The following TNIP3 variants were observed in gnomAD, a reference collection of about 807,000 sequenced individuals.
TNIP3 encodes TNFAIP3 interacting protein 3.
TNIP3 carries 34 observed loss-of-function variants against 54.1 expected under a neutral mutation model. That is an observed-to-expected ratio of 0.63 (90% CI 0.48 to 0.84). The LOEUF (loss-of-function observed/expected upper bound fraction) is 0.84, where lower values mean the gene tolerates loss of function less well. TNIP3 is among the 40% of genes least tolerant of loss of function. The pLI is 0.00. For missense variants in TNIP3, 366 were observed against 387.6 expected, an observed-to-expected ratio of 0.94 and a Z score of 0.47; for synonymous variants, 134 against 136.8, an observed-to-expected ratio of 0.98 and a Z score of 0.14.
At chr4:121,195,775 C>T (rs1387731739) in intron 2 of TNIP3, among the ~76,000 whole-genome samples, 1 of 152,136 alleles carries the variant, frequency 6.6e-6, no homozygotes, top group African/African-American at 2.4e-5. Context: ...AATGGCAAGC[C>T]TGACTATAGC....
intron 4 of TNIP3, among the ~76,000 whole-genome samples, 191 bp downstream of exon 4, chr4:121,156,903 C>T (rs1322238275): frequency 6.6e-6 from 1 of 152,182 alleles, no homozygotes; most frequent in Non-Finnish European, 1.5e-5. Context: ...GAATCTCCTT[C>T]CTTCTTATTC....
chr4:121,178,524 A>T (rs1724493841), intron 3 of TNIP3, among the ~76,000 whole-genome samples: 1 of 152,204 alleles, frequency 6.6e-6, no homozygotes, highest in Admixed American at 6.5e-5. Context: ...AGTGAGTGGT[A>T]CCCAAAGGTG....
rs550782218 is a variant in TNIP3 at position 121,141,860 on chromosome 4, C to T, written c.841G>A (p.Val281Ile). The change falls in exon 9 of 11, where the codon GTA becomes ATA. Residue 281 changes from valine (V) to isoleucine (I), a missense_variant. Coordinates refer to ENST00000057513, the MANE Select transcript of TNIP3 (RefSeq NM_024873.6). ...GLVFHLQDPW[V>I]PTGPGAVQKQ... ...TGCACAGCTCCAGGGCCTGTTGGTA[C>T]CCATGGATCTTGCAGGTGGAAAACC... The T allele has an allele frequency of 4.1e-5, 65 of 1,600,936 alleles. 1 individual carries two copies. The South Asian group carries it at 6.4e-4, about 16-fold the overall frequency.
At chr4:121,139,007 A>G (rs1363097662) in intron 9 of TNIP3, among the ~76,000 whole-genome samples, 4 of 152,224 alleles carry the variant, frequency 2.6e-5, no homozygotes, top group Admixed American at 2.6e-4. Context: ...ACAGCCCATC[A>G]ATAAAACAAA....
chr4:121,180,753 A>G (rs777069511), intron 3 of TNIP3, among the ~76,000 whole-genome samples: 5 of 152,196 alleles, frequency 3.3e-5, no homozygotes, highest in Non-Finnish European at 7.3e-5. Flanking sequence ...TGGTCTTATC[A>G]TACAGTGGTG....
At chr4:121,172,969 A>G (rs1200686642) in intron 3 of TNIP3, among the ~76,000 whole-genome samples, 1 of 152,242 alleles carries the variant, frequency 6.6e-6, no homozygotes, top group Non-Finnish European at 1.5e-5. Flanking sequence ...TCTGAACTTC[A>G]TAACAGCCCC....
intron 3 of TNIP3, among the ~76,000 whole-genome samples, chr4:121,158,377 G>A (rs1363997908): frequency 2.0e-5 from 3 of 152,120 alleles, no homozygotes; most frequent in Admixed American, 6.5e-5. Context: ...GTGTATTTGT[G>A]GCTTCTAGTG....
intron 4 of TNIP3, among the ~76,000 whole-genome samples, chr4:121,155,957 T>C (rs1198230562): frequency 2.0e-5 from 3 of 152,228 alleles, no homozygotes; most frequent in Non-Finnish European, 4.4e-5. Flanking sequence ...CCAATTATTT[T>C]CTAATTTAGC....
chr4:121,168,155 T>G (rs1485182754), upstream of TNIP3, among the ~76,000 whole-genome samples: 1 of 152,108 alleles, frequency 6.6e-6, no homozygotes, highest in African/African-American at 2.4e-5. Flanking sequence ...CCTAGAGACT[T>G]CTCAGTTTAA....
upstream of TNIP3, among the ~76,000 whole-genome samples, chr4:121,168,450 C>T (rs543448151): frequency 2.1e-4 from 32 of 152,056 alleles, no homozygotes; most frequent in African/African-American, 5.8e-4. Context: ...CCACCCGCCT[C>T]GGCCTCCCAA....
At chr4:121,211,979 A>G (rs1269070887) in intron 2 of TNIP3, among the ~76,000 whole-genome samples, 2 of 152,172 alleles carry the variant, frequency 1.3e-5, no homozygotes, top group African/African-American at 4.8e-5. Context: ...TAGACACACA[A>G]ATTTTATGCT....
upstream of TNIP3, among the ~76,000 whole-genome samples, chr4:121,169,176 G>T (rs1052993409): frequency 6.6e-6 from 1 of 152,058 alleles, no homozygotes; most frequent in Non-Finnish European, 1.5e-5. Flanking sequence ...TAGTGGCAAG[G>T]TCCTGCACAA....
chr4:121,165,471 C>T (rs1160793415), upstream of TNIP3, among the ~76,000 whole-genome samples: 1 of 152,108 alleles, frequency 6.6e-6, no homozygotes, highest in Non-Finnish European at 1.5e-5. Flanking sequence ...TTCCTCTAAT[C>T]AGCTAAGGAG....
At position 121,159,049 on chromosome 4, in the gene TNIP3, C is replaced by A. The variant is rs948215924; in HGVS notation, c.148-297G>T. Among the ~76,000 whole-genome samples the A allele has an allele frequency of 4.6e-5, 7 of 152,296 alleles. 1 individual carries two copies. Among genetic ancestry groups the A allele is most frequent in the Admixed American group, 1.3e-4 (2 of 15,300 alleles). On this transcript the variant is annotated intron_variant, in intron 2 of 10. Coordinates refer to ENST00000057513, the MANE Select transcript of TNIP3 (RefSeq NM_024873.6). Reference sequence around the variant, plus strand: ...CTTGAGGTCAAGAGTTGGTGACCAGCCTGCCCAACATGGTGACATCCCGTC... The same window carrying A: ...CTTGAGGTCAAGAGTTGGTGACCAGACTGCCCAACATGGTGACATCCCGTC...
At chr4:121,132,868 T>C (rs574257133) in intron 10 of TNIP3, among the ~76,000 whole-genome samples, 3 of 152,258 alleles carry the variant, frequency 2.0e-5, no homozygotes, top group South Asian at 2.1e-4. Context: ...ATGCTTACCA[T>C]TTTGTGAAAT....
At chr4:121,214,094 T>G (rs964758574) in intron 2 of TNIP3, among the ~76,000 whole-genome samples, 1 of 152,030 alleles carries the variant, frequency 6.6e-6, no homozygotes, top group Non-Finnish European at 1.5e-5. Context: ...AGTTCAGGAG[T>G]GATAGAGGGA....
chr4:121,156,658 A>C (rs934402115), intron 4 of TNIP3, among the ~76,000 whole-genome samples: 12 of 152,192 alleles, frequency 7.9e-5, no homozygotes, highest in Non-Finnish European at 1.5e-4. Flanking sequence ...CTCATATATA[A>C]ATCTCTCTGT....
chr4:121,158,387 G>A (rs1455781425), intron 3 of TNIP3, among the ~76,000 whole-genome samples: 11 of 152,178 alleles, frequency 7.2e-5, no homozygotes, highest in Non-Finnish European at 1.5e-4. Flanking sequence ...GGCTTCTAGT[G>A]ACAAAGGTAA....
intron 1 of TNIP3, among the ~76,000 whole-genome samples, chr4:121,162,877 G>C (rs904430813): frequency 1.3e-5 from 2 of 152,064 alleles, no homozygotes; most frequent in African/African-American, 4.8e-5. Context: ...TCTCCTCTCT[G>C]TTTGTGATGT....
Sources: allele counts gnomAD v4.1 joint callset (sites outside exome capture counted in the v4.1 genomes callset), GRCh38; gene constraint gnomAD v4.1.1; transcripts MANE v1.5; gene names NCBI Gene and HGNC (gene_info 2026-07-23, HGNC 2026-07-21).